The following TACR3 variants were observed in gnomAD, a reference collection of about 807,000 sequenced individuals.
TACR3 encodes the protein tachykinin receptor 3.
A neutral mutation model predicts 35.0 loss-of-function variants in TACR3; 34 were observed. That is an observed-to-expected ratio of 0.97 (90% CI 0.74 to 1.30). The LOEUF (loss-of-function observed/expected upper bound fraction) is 1.30. Ranked by LOEUF, TACR3 falls within the 50% of genes most tolerant of loss-of-function variation. The probability of loss-of-function intolerance (pLI) is 0.00; values close to 1 mark genes in which losing one functional copy is unlikely to be tolerated. For missense variants in TACR3, 558 were observed against 591.7 expected (o/e 0.94, Z 0.59); for synonymous variants, 233 against 221.1 (o/e 1.05, Z -0.48).
At chr4:103,660,851 A>T (rs1202006406) in intron 1 of TACR3, among the ~76,000 whole-genome samples, 1 of 152,014 alleles carries the variant, frequency 6.6e-6, no homozygotes, top group African/African-American at 2.4e-5. Context: ...AGATAATAAT[A>T]AAAAAATTGA....
intron 1 of TACR3, among the ~76,000 whole-genome samples, chr4:103,677,232 G>T (rs1384235893): frequency 6.6e-6 from 1 of 152,122 alleles, no homozygotes; most frequent in African/African-American, 2.4e-5. Flanking sequence ...AGGTTGTGGA[G>T]AAAAAGGAAC....
intron 1 of TACR3, among the ~76,000 whole-genome samples, chr4:103,671,348 G>A (rs1488047540): frequency 6.6e-6 from 1 of 151,946 alleles, no homozygotes; most frequent in Non-Finnish European, 1.5e-5. Flanking sequence ...TTTCAGAATA[G>A]TATGAGTAGG....
chr4:103,655,040 A>G (rs1725703850), intron 3 of TACR3, among the ~76,000 whole-genome samples: 1 of 152,208 alleles, frequency 6.6e-6, no homozygotes, highest in Non-Finnish European at 1.5e-5. Context: ...ATAAAATTGA[A>G]TTACATACAC....
At chr4:103,688,703 C>T (rs1271907323) in intron 1 of TACR3, among the ~76,000 whole-genome samples, 2 of 151,354 alleles carry the variant, frequency 1.3e-5, no homozygotes, top group African/African-American at 4.9e-5. Flanking sequence ...AATGAGATAT[C>T]ATCTCACACC....
At chr4:103,700,422 T>C in intron 1 of TACR3, among the ~76,000 whole-genome samples, 1 of 152,104 alleles carries the variant, frequency 6.6e-6, no homozygotes, top group East Asian at 1.9e-4. Flanking sequence ...AGGAGAAACA[T>C]CTTATAGATG....
intron 3 of TACR3, among the ~76,000 whole-genome samples, chr4:103,600,868 C>T (rs1578220508): frequency 6.6e-6 from 1 of 152,102 alleles, no homozygotes; most frequent in East Asian, 1.9e-4. Context: ...CTGAGGAGTG[C>T]TTTACTTCCA....
chr4:103,650,257 GCCA>G (rs1321702246), intron 3 of TACR3, among the ~76,000 whole-genome samples: 1 of 151,584 alleles, frequency 6.6e-6, no homozygotes, highest in Admixed American at 6.6e-5. Flanking sequence ...GCAGCCTGTG[GCCA>G]CCACCACTGG....
In TACR3 at chr4:103,640,457, G is replaced by T. The variant is rs183724469; in HGVS notation, c.888+15737C>A. On this transcript the variant is annotated intron_variant, in intron 3 of 4. Coordinates refer to ENST00000304883, the MANE Select transcript of TACR3 (RefSeq NM_001059.3). Reference sequence around the variant, plus strand: ...TTTTTCACATATTTGTTGGCCATTTGTATACTTTCATTTGAGAAATGTCTG... The same window carrying T: ...TTTTTCACATATTTGTTGGCCATTTTTATACTTTCATTTGAGAAATGTCTG... 2.6e-4 allele frequency among the ~76,000 whole-genome samples: 39 copies of T among 151,866 alleles called. No homozygotes were observed. In the East Asian group the frequency reaches 7.6e-3, roughly 30 times the overall value.
At chr4:103,701,952 A>C (rs1722660600) in intron 1 of TACR3, among the ~76,000 whole-genome samples, 1 of 152,212 alleles carries the variant, frequency 6.6e-6, no homozygotes, top group Non-Finnish European at 1.5e-5. Flanking sequence ...AAATCCTAGA[A>C]GAAAACCTAG....
intron 1 of TACR3, among the ~76,000 whole-genome samples, chr4:103,690,659 A>G (rs1722383618): frequency 6.6e-6 from 1 of 152,134 alleles, no homozygotes. Flanking sequence ...ACTCAATCTA[A>G]TAGCACCAAA....
intron 1 of TACR3, among the ~76,000 whole-genome samples, chr4:103,704,469 T>C (rs769049474): frequency 2.0e-5 from 3 of 152,176 alleles, no homozygotes; most frequent in Admixed American, 6.5e-5. Context: ...CAGTTCTGCA[T>C]GGCCAGGGAG....
intron 1 of TACR3, among the ~76,000 whole-genome samples, chr4:103,691,899 A>G (rs2110217367): frequency 6.6e-6 from 1 of 152,316 alleles, no homozygotes; most frequent in South Asian, 2.1e-4. Context: ...GAATATCTAT[A>G]GAAACAATGC....
At chr4:103,708,321 ATTCC>A (rs56189381) in intron 1 of TACR3, among the ~76,000 whole-genome samples, 17,735 of 152,174 alleles carry the variant, frequency 0.12, 1,341 homozygotes, top group East Asian at 0.37. Flanking sequence ...AGGAACGATC[ATTCC>A]AGCAGCAACA....
At chr4:103,597,921 A>G (rs1225526129) in intron 3 of TACR3, among the ~76,000 whole-genome samples, 1 of 152,176 alleles carries the variant, frequency 6.6e-6, no homozygotes, top group Non-Finnish European at 1.5e-5. Context: ...ATACGTGTGC[A>G]TGTGTCTTTA....
chr4:103,637,619 T>C (rs1725223871), intron 3 of TACR3, among the ~76,000 whole-genome samples: 1 of 152,044 alleles, frequency 6.6e-6, no homozygotes, highest in African/African-American at 2.4e-5. Flanking sequence ...AAATAAAGGG[T>C]ATTCAGTTAG....
At chr4:103,638,826 AAC>A (rs1241607817) in intron 3 of TACR3, among the ~76,000 whole-genome samples, 6 of 152,098 alleles carry the variant, frequency 3.9e-5, no homozygotes, top group Non-Finnish European at 7.4e-5. Flanking sequence ...GCAGCCAAAA[AAC>A]ACATGAAAAA....
At chr4:103,607,084 G>A (rs181450804) in intron 3 of TACR3, among the ~76,000 whole-genome samples, 51 of 152,142 alleles carry the variant, frequency 3.4e-4, no homozygotes, top group African/African-American at 1.1e-3. Context: ...TTCAATATAC[G>A]CAAATCAATA....
chr4:103,713,508 A>G (rs1158089385), intron 1 of TACR3, among the ~76,000 whole-genome samples: 1 of 150,932 alleles, frequency 6.6e-6, no homozygotes, highest in Non-Finnish European at 1.5e-5. Context: ...GCATTAGGAA[A>G]TATACCTAAT....
chr4:103,637,382 T>G (rs1725217226), intron 3 of TACR3, among the ~76,000 whole-genome samples: 1 of 152,122 alleles, frequency 6.6e-6, no homozygotes, highest in African/African-American at 2.4e-5. Context: ...TTGACAAAAT[T>G]CAGCAACCCT....
Sources: gnomAD v4.1 joint callset for allele counts (sites outside exome capture counted in the v4.1 genomes callset) on GRCh38, gnomAD v4.1.1 for gene constraint, MANE v1.5 for transcripts, NCBI Gene and HGNC (gene_info 2026-07-23, HGNC 2026-07-21) for gene names.